Variants in TNK2 observed in about 807,000 individuals in gnomAD.
TNK2 encodes tyrosine kinase non receptor 2.
Under a neutral mutation model 101.8 loss-of-function variants are expected in TNK2, and 83 were observed. That is an observed-to-expected ratio of 0.82 (90% CI 0.68 to 0.98). The LOEUF is 0.98. TNK2 is among the 50% of genes least tolerant of loss of function. The pLI is 0.00. For missense variants in TNK2, 1,665 were observed against 1,483.2 expected (o/e 1.12, Z -2.01); for synonymous variants, 804 against 633.0 (o/e 1.27, Z -4.06).
At chr3:195,869,207 G>A (rs1743064770) in intron 12 of TNK2, 1 of 582,726 alleles carries the variant, frequency 1.7e-6, no homozygotes, top group Non-Finnish European at 3.1e-6. Flanking sequence ...AGGCAGCGAG[G>A]CCAAGGCAGA....
chr3:195,867,737 C>A lies in TNK2; in HGVS notation c.2561G>T (p.Arg854Leu), dbSNP rs113120669. ...TPQVIQAPGP[R>L]AGPCILPIVR... Reference sequence around the variant, plus strand: ...GATGGGCAGGATGCAGGGACCAGCCCGCGGGCCAGGGGCCTGGATCACCTG... The same window carrying A: ...GATGGGCAGGATGCAGGGACCAGCCAGCGGGCCAGGGGCCTGGATCACCTG... The change falls in exon 13 of 16, where the codon CGG becomes CTG. Residue 854 changes from arginine to leucine, a missense_variant. Physicochemically the swap from Arg to Leu is moderately radical, Grantham distance 102. Around this residue, in one of 3 missense-constraint regions of TNK2, gnomAD observed 1,136 missense variants for 894.9 expected, o/e 1.27. Coordinates refer to ENST00000672887, the MANE Select transcript of TNK2 (RefSeq NM_001382273.1). The A allele has an allele frequency of 2.5e-6, 4 of 1,601,586 alleles. No individual in the cohort carries two copies. Among genetic ancestry groups the A allele is most frequent in the African/African-American group, 1.3e-5 (1 of 74,412 alleles).
chr3:195,881,640 C>T (rs531059537), intron 6 of TNK2, among the ~76,000 whole-genome samples: 2 of 101,358 alleles, frequency 2.0e-5, no homozygotes, highest in African/African-American at 3.6e-5. Context: ...GTAACACCCC[C>T]CCCCCAGCAA....
chr3:195,878,945 G>A lies in TNK2; in HGVS notation c.1014+104C>T, dbSNP rs979418904. The stretch of plus-strand genomic sequence containing the variant: ...GTGGGGGGAGGCACGGGGCGTGGGA[G>A]GAGGGAGTCCATTGGTGAGAGGCAG... On this transcript the variant is annotated intron_variant, in intron 7 of 15. Transcript: ENST00000672887. This position sits in a 1 kb window ranked among gnomAD's most constrained non-coding sequence, Gnocchi z 4.7. 157 of 1,533,310 alleles carry A rather than the reference G, an allele frequency of 1.0e-4. No homozygotes were observed. Among genetic ancestry groups the A allele is most frequent in the Non-Finnish European group, 1.3e-4 (153 of 1,135,212 alleles). The allele number at this position is 1,533,310 out of a possible 1,614,324, so 95.0% of individuals were successfully genotyped here. A position where few individuals can be genotyped will look rare whatever the true frequency, so the allele number is the denominator to read the frequency against.
chr3:195,867,763 G>A lies in TNK2; in HGVS notation c.2535C>T (p.Pro845=), dbSNP rs767300447. ...SFASDPKYAT[P]QVIQAPGPRA... ...GCGGGCCAGGGGCCTGGATCACCTG[G>A]GGGGTGGCGTACTTGGGGTCTGAGG... Residue 845 remains proline (P), a synonymous_variant, in exon 13 of 16, where the codon CCC becomes CCT. Coordinates refer to ENST00000672887, the MANE Select transcript of TNK2 (RefSeq NM_001382273.1). 7 of 1,589,286 alleles carry A rather than the reference G, an allele frequency of 4.4e-6. No homozygotes were observed. In the East Asian group the frequency reaches 1.3e-4, roughly 31 times the overall value.
Position 195,866,896 on chromosome 3 carries a change from G to T in TNK2, c.3154C>A (p.His1052Asn). 1 of 1,610,598 alleles carries T rather than the reference G, an allele frequency of 6.2e-7. No homozygotes were observed. The highest frequency in any genetic ancestry group is 8.5e-7 in the Non-Finnish European group (1 of 1,178,958). The change falls in exon 15 of 16, where the codon CAC (histidine) becomes AAC (asparagine). Residue 1052 changes from histidine (H) to asparagine (N), a missense_variant. This residue lies in a region of TNK2 where 1,136 missense variants were observed against 894.9 expected (regional missense o/e 1.27). Coordinates refer to ENST00000672887, the MANE Select transcript of TNK2 (RefSeq NM_001382273.1). Reference protein sequence around the residue: ...CHLLGSWGPAHHKR With the variant: ...CHLLGSWGPANHKR ...ACTGTGGGGCTCACTCACTTGTGGT[G>T]GGCAGGGCCCCAGGAGCCCAGAAGG... is the stretch of plus-strand genomic sequence containing the variant.
rs561269464 is a variant in TNK2 at position 195,868,622 on chromosome 3, C to G, written c.1676G>C (p.Arg559Pro). 1 of 1,590,428 alleles carries G rather than the reference C, an allele frequency of 6.3e-7. No homozygotes were observed. Among genetic ancestry groups the G allele is most frequent in the Non-Finnish European group, 8.5e-7 (1 of 1,176,422 alleles). ...RLGLRKPGLP[R>P]GLWLAKPSAR... is the part of the protein sequence containing the mutation. ...CGAGGGCTTCGCCAGCCACAGCCCT[C>G]GGGGCAGGCCTGGCTTCCGCAGGCC... Residue 559 changes from arginine (R) to proline (P), a missense_variant, in exon 13 of 16, where the codon CGA becomes CCA. Coordinates refer to ENST00000672887, the MANE Select transcript of TNK2 (RefSeq NM_001382273.1).
intron 15 of TNK2, among the ~76,000 whole-genome samples, chr3:195,864,549 ACGGAGT>A (rs1739283278): frequency 6.7e-6 from 1 of 148,356 alleles, no homozygotes; most frequent in African/African-American, 2.5e-5. Flanking sequence ...GACAGGTGAC[ACGGAGT>A]GCCTGCATCC....
rs772782541 is a variant in TNK2 at position 195,878,221 on chromosome 3, C to T, written c.1256+32G>A. ...CTCCGACCTGTGCCCTTCAAGCGAT[C>T]CCAGGGCGGGGCCCAGCCCTGCACT... On this transcript the variant is annotated intron_variant, in intron 9 of 15. Transcript: ENST00000672887. The surrounding 1 kb of genome is among the most constrained non-coding windows in gnomAD (Gnocchi z 4.7). 35 of 1,608,318 alleles carry T rather than the reference C, an allele frequency of 2.2e-5. No individual in the cohort carries two copies. Among genetic ancestry groups the T allele is most frequent in the Non-Finnish European group, 2.7e-5 (32 of 1,174,924 alleles).
At chr3:195,896,037 C>A (rs1318204977) in intron 1 of TNK2, 2 of 434,250 alleles carry the variant, frequency 4.6e-6, no homozygotes, top group South Asian at 3.1e-5. Flanking sequence ...GCGCTGTGCG[C>A]TGGGCACGCA....
chr3:195,868,521 C>T lies in TNK2; in HGVS notation c.1777G>A (p.Val593Met), dbSNP rs375205272. The T allele has an allele frequency of 9.6e-5, 150 of 1,559,290 alleles. No individual in the cohort carries two copies. The highest frequency in any genetic ancestry group is 5.2e-4 in the Admixed American group (27 of 51,552). ...GCGCAGGGCCGTAGGGCCGGGACCA[C>T]GGGCTCCTCACCGAAGTCGATGAGC... ...VTLIDFGEEP[V>M]VPALRPCAPS... Residue 593 changes from valine to methionine, a missense_variant, in exon 13 of 16, where the codon GTG (valine) becomes ATG (methionine). By Grantham distance (21) the Val-to-Met change is conservative (BLOSUM62 1). Around this residue, in one of 3 missense-constraint regions of TNK2, gnomAD observed 1,136 missense variants for 894.9 expected, o/e 1.27. Coordinates refer to ENST00000672887, the MANE Select transcript of TNK2 (RefSeq NM_001382273.1).
At chr3:195,869,958 C>T (rs1287007408) in intron 11 of TNK2, 156 bp downstream of exon 11, 22 of 624,854 alleles carry the variant, frequency 3.5e-5, no homozygotes, top group East Asian at 1.8e-4. Flanking sequence ...TTCCACCCCA[C>T]GCCCAGCCGG....
chr3:195,865,712 T>C (rs1740354845), intron 15 of TNK2, among the ~76,000 whole-genome samples: 1 of 140,242 alleles, frequency 7.1e-6, no homozygotes, highest in African/African-American at 2.7e-5. Context: ...CGAGACAGTA[T>C]GGGACAGACA....
rs1755001680 is a variant in TNK2, at chr3:195,885,072, C to G, written c.235-39G>C. 6.5e-7 allele frequency: 1 copy of G among 1,534,284 alleles called. No homozygotes were observed. Among genetic ancestry groups the G allele is most frequent in the South Asian group, 1.3e-5 (1 of 79,954 alleles). On this transcript the variant is annotated intron_variant, in intron 3 of 15. Coordinates refer to ENST00000672887, the MANE Select transcript of TNK2 (RefSeq NM_001382273.1). The surrounding 1 kb of genome is among the most constrained non-coding windows in gnomAD (Gnocchi z 4.7). ...GCCGGGGGCCAGATGGAATCCAACA[C>G]CCCAGGGTCAGTCACTCAGTCCCAC...
At chr3:195,900,567 T>C (rs1040931069) in intron 1 of TNK2, among the ~76,000 whole-genome samples, 5 of 152,130 alleles carry the variant, frequency 3.3e-5, no homozygotes. Context: ...AAAGAGACAG[T>C]ACACTGAGGG....
At chr3:195,890,659 G>C (rs1161477339) in intron 1 of TNK2, among the ~76,000 whole-genome samples, 1 of 152,002 alleles carries the variant, frequency 6.6e-6, no homozygotes, top group East Asian at 1.9e-4. Flanking sequence ...GGCTGGTCTC[G>C]AACTCCTGAG....
intron 1 of TNK2, among the ~76,000 whole-genome samples, chr3:195,902,867 G>A (rs1354273928): frequency 6.1e-5 from 9 of 146,894 alleles, no homozygotes; most frequent in African/African-American, 2.0e-4. Flanking sequence ...CTTGTGCCTC[G>A]GCCTCCCAAG....
chr3:195,867,476 T>G lies in TNK2; in HGVS notation c.2822A>C (p.Asn941Thr), dbSNP rs756101819. ...TGGCCGGGCCCCTGGGTTGCTGTTG[T>G]TGGTGGAGAAGTTGGCCTTGGGGTC... ...ALDPKANFST[N>T]NSNPGARPPP... is the part of the protein sequence containing the mutation. The change falls in exon 13 of 16, where the codon AAC becomes ACC. Residue 941 changes from asparagine to threonine, a missense_variant. Coordinates refer to ENST00000672887, the MANE Select transcript of TNK2 (RefSeq NM_001382273.1). The G allele has an allele frequency of 2.8e-5, 45 of 1,580,206 alleles. No individual in the cohort carries two copies. The highest frequency in any genetic ancestry group is 4.5e-5 in the South Asian group (4 of 88,818).
chr3:195,874,454 A>G (rs1747709452), intron 9 of TNK2, among the ~76,000 whole-genome samples: 2 of 152,180 alleles, frequency 1.3e-5, no homozygotes, highest in South Asian at 2.1e-4. Context: ...TCCTGGGGGA[A>G]GGAGAGTAAG....
At chr3:195,907,873 G>A (rs1313905912) in intron 1 of TNK2, among the ~76,000 whole-genome samples, 3 of 152,306 alleles carry the variant, frequency 2.0e-5, no homozygotes, top group African/African-American at 7.2e-5. Flanking sequence ...ACCCAGAGAC[G>A]AGAGGGCTCA....
Sources: gnomAD v4.1 joint callset for allele counts (sites outside exome capture counted in the v4.1 genomes callset) on GRCh38, gnomAD v4.1.1 for gene constraint, gnomAD v4.1.1 regional missense constraint, Gnocchi (gnomAD v3.1) non-coding constraint, MANE v1.5 for transcripts, NCBI Gene and HGNC (gene_info 2026-07-23, HGNC 2026-07-21) for gene names.